The following CAMTA1 variants were observed in gnomAD, a reference collection of about 807,000 sequenced individuals.
CAMTA1 encodes calmodulin-binding transcription activator 1.
In CAMTA1, 27 loss-of-function variants were observed where a neutral mutation model predicts 170.9. The ratio of observed to expected loss-of-function variants is 0.16; its 90% confidence interval spans 0.12 to 0.22. The LOEUF (loss-of-function observed/expected upper bound fraction) is 0.22. CAMTA1 is among the 10% of genes least tolerant of loss of function. CAMTA1 has a pLI of 1.00. For missense variants in CAMTA1, 1,619 were observed against 2,217.2 expected (o/e 0.73, Z 5.42); for synonymous variants, 833 against 891.5 (o/e 0.93, Z 1.17).
chr1:7,060,841 G>A (rs536255817), intron 3 of CAMTA1, among the ~76,000 whole-genome samples: 36 of 152,320 alleles, frequency 2.4e-4, no homozygotes, highest in Non-Finnish European at 4.7e-4. Flanking sequence ...CACGGAAAGC[G>A]TTGCCAGGAA....
intron 6 of CAMTA1, among the ~76,000 whole-genome samples, chr1:7,611,050 C>T (rs1236908056): frequency 2.0e-5 from 3 of 152,198 alleles, no homozygotes; most frequent in African/African-American, 4.8e-5. Flanking sequence ...CCTTGCCTCT[C>T]GAAGTGTCCA....
chr1:6,879,479 G>C (rs906184347), intron 3 of CAMTA1, among the ~76,000 whole-genome samples: 1 of 152,158 alleles, frequency 6.6e-6, no homozygotes, highest in African/African-American at 2.4e-5. Flanking sequence ...CTAGGTATTA[G>C]GTTGGCATTT....
At chr1:7,464,316 G>A (rs1041255855) in intron 5 of CAMTA1, among the ~76,000 whole-genome samples, 2 of 152,302 alleles carry the variant, frequency 1.3e-5, no homozygotes, top group East Asian at 3.9e-4. Flanking sequence ...AGCTCAACTG[G>A]GGAAACCCCA....
chr1:7,559,344 A>T (rs956632088), intron 6 of CAMTA1, among the ~76,000 whole-genome samples: 1 of 151,238 alleles, frequency 6.6e-6, no homozygotes, highest in Non-Finnish European at 1.5e-5. Flanking sequence ...TCTCAAGCTG[A>T]CCCTCCTGCC....
At chr1:7,567,953 A>G (rs1350307615) in intron 6 of CAMTA1, among the ~76,000 whole-genome samples, 1 of 152,202 alleles carries the variant, frequency 6.6e-6, no homozygotes, top group African/African-American at 2.4e-5. Flanking sequence ...GGATAATACT[A>G]TCACCTACCT....
At chr1:6,986,276 G>A (rs1412087149) in intron 3 of CAMTA1, among the ~76,000 whole-genome samples, 8 of 152,314 alleles carry the variant, frequency 5.3e-5, no homozygotes, top group African/African-American at 1.7e-4. Flanking sequence ...GAGCATCAAA[G>A]GATGGTTGTT....
At chr1:6,911,013 T>C (rs920853154) in intron 3 of CAMTA1, among the ~76,000 whole-genome samples, 2 of 152,254 alleles carry the variant, frequency 1.3e-5, no homozygotes, top group African/African-American at 4.8e-5. Context: ...GTACATCTGC[T>C]AATGAGGAGA....
At chr1:7,705,051 G>C (rs1177611209) in intron 11 of CAMTA1, among the ~76,000 whole-genome samples, 3 of 149,526 alleles carry the variant, frequency 2.0e-5, no homozygotes, top group African/African-American at 4.9e-5. Context: ...TTTCTGGCGC[G>C]AGTGTGCGGG....
intron 5 of CAMTA1, among the ~76,000 whole-genome samples, chr1:7,460,526 C>T (rs2093058019): frequency 6.6e-6 from 1 of 152,134 alleles, no homozygotes; most frequent in East Asian, 1.9e-4. Flanking sequence ...TCTGGTCCCA[C>T]ACGTTCCTTG....
At chr1:7,422,907 T>C (rs1187200856) in intron 5 of CAMTA1, among the ~76,000 whole-genome samples, 3 of 152,238 alleles carry the variant, frequency 2.0e-5, no homozygotes, top group Non-Finnish European at 4.4e-5. Context: ...AAACCTTTGA[T>C]GGATTTGTAT....
intron 3 of CAMTA1, among the ~76,000 whole-genome samples, chr1:6,889,441 A>G (rs1394309771): frequency 2.0e-5 from 3 of 152,232 alleles, no homozygotes; most frequent in Non-Finnish European, 2.9e-5. Context: ...AGGTCGAACT[A>G]ACTTTTTACT....
chr1:7,542,397 G>A (rs1014613054), intron 6 of CAMTA1, among the ~76,000 whole-genome samples: 8 of 151,580 alleles, frequency 5.3e-5, no homozygotes, highest in African/African-American at 9.7e-5. Context: ...CATTTCCCCC[G>A]TCATTCACTG....
intron 5 of CAMTA1, among the ~76,000 whole-genome samples, chr1:7,407,425 C>T (rs567199528): frequency 6.6e-6 from 1 of 152,154 alleles, no homozygotes; most frequent in Non-Finnish European, 1.5e-5. Context: ...TCTGTGGGGC[C>T]CCTCACTCCT....
rs1230160883 is a variant in CAMTA1 at position 7,640,567 on chromosome 1, G to T, written c.664+14G>T. The T allele has an allele frequency of 3.8e-5, 61 of 1,613,944 alleles. 1 individual carries two copies. The South Asian group carries it at 5.9e-4, about 16-fold the overall frequency. ...TGAAACCCATGTGTGAGTGGCCTTGGCCGGCCTGGCGCCCCCACGCTGGGA... is the reference window on the plus strand; with the variant it reads ...TGAAACCCATGTGTGAGTGGCCTTGTCCGGCCTGGCGCCCCCACGCTGGGA... On this transcript the variant is annotated intron_variant, in intron 7 of 22. Coordinates refer to ENST00000303635, the MANE Select transcript of CAMTA1 (RefSeq NM_015215.4).
intron 3 of CAMTA1, among the ~76,000 whole-genome samples, chr1:6,828,028 G>A (rs1382630265): frequency 6.6e-6 from 1 of 152,142 alleles, no homozygotes; most frequent in Non-Finnish European, 1.5e-5. Context: ...TCCCTGTACA[G>A]CATATGTTCA....
chr1:7,253,780 C>T (rs376210119), intron 5 of CAMTA1, among the ~76,000 whole-genome samples: 5 of 152,172 alleles, frequency 3.3e-5, no homozygotes, highest in African/African-American at 9.6e-5. Context: ...TCAGTTCCTT[C>T]GGGGTACTCG....
intron 22 of CAMTA1, among the ~76,000 whole-genome samples, chr1:7,760,942 G>C (rs2096970317): frequency 6.6e-6 from 1 of 152,204 alleles, no homozygotes; most frequent in Non-Finnish European, 1.5e-5. Flanking sequence ...TACCCATGGA[G>C]CCATTGTTTG....
At chr1:6,992,480 T>C (rs1294061662) in intron 3 of CAMTA1, among the ~76,000 whole-genome samples, 2 of 152,274 alleles carry the variant, frequency 1.3e-5, no homozygotes, top group Non-Finnish European at 2.9e-5. Context: ...AGAAGCCTTA[T>C]AATGCTAGCT....
Position 7,588,895 on chromosome 1 carries a change from G to T in CAMTA1, c.511-51505G>T, listed in dbSNP as rs1297530227. Among the ~76,000 whole-genome samples, 1 of 152,160 alleles carries T rather than the reference G, an allele frequency of 6.6e-6. No homozygotes were observed. The highest frequency in any genetic ancestry group is 1.5e-5 in the Non-Finnish European group (1 of 68,006). ...GGGCACCAGGGCAACCCCGCATCAG[G>T]TGCTTATTATTTTCTGCCACGATCA... On this transcript the variant is annotated intron_variant, in intron 6 of 22. Transcript: ENST00000303635. The surrounding 1 kb of genome is among the most constrained non-coding windows in gnomAD (Gnocchi z 5.8).
Sources: allele counts gnomAD v4.1 joint callset (sites outside exome capture counted in the v4.1 genomes callset), GRCh38; gene constraint gnomAD v4.1.1; non-coding constraint Gnocchi (gnomAD v3.1); transcripts MANE v1.5; gene names NCBI Gene and HGNC (gene_info 2026-07-23, HGNC 2026-07-21).